Variants in SLC25A35 observed in about 807,000 individuals in gnomAD.
SLC25A35 encodes the protein solute carrier family 25, member 35.
SLC25A35 carries 32 observed loss-of-function variants against 30.5 expected under a neutral mutation model. That is an observed-to-expected ratio of 1.05 (90% CI 0.79 to 1.41). The LOEUF is 1.41. SLC25A35 is among the 40% of genes most tolerant of loss of function. The pLI is 0.00. For missense variants in SLC25A35, 369 were observed against 388.0 expected (o/e 0.95, Z 0.41); for synonymous variants, 142 against 158.1 (o/e 0.90, Z 0.77).
chr17:8,294,060 C>T (rs867032990), intron 1 of SLC25A35, among the ~76,000 whole-genome samples: 4 of 150,522 alleles, frequency 2.7e-5, no homozygotes, highest in East Asian at 2.0e-4. Flanking sequence ...GGACTACAGG[C>T]GCCCACCACC....
At chr17:8,291,047 C>T (rs2151614996) in intron 3 of SLC25A35, 71 bp from the exon 4 acceptor site, 3 of 1,572,470 alleles carry the variant, frequency 1.9e-6, no homozygotes, top group Non-Finnish European at 1.7e-6. Context: ...ACAGTCCCTG[C>T]CCTGGGGACA....
In SLC25A35 at chr17:8,290,816, G is replaced by A. The variant is rs368022777; in HGVS notation, c.729+26C>T. The A allele has an allele frequency of 1.2e-4, 199 of 1,608,878 alleles. No homozygotes were observed. The African/African-American group carries it at 1.4e-3, about 11-fold the overall frequency. ...CTGCCTTCCCCATCCCCTGCTTCCC[G>A]CCTGCATCCCAGAGCACTTCCTTAC... On this transcript the variant is annotated intron_variant, in intron 4 of 4. Transcript: ENST00000577745.
At chr17:8,292,708 G>T in intron 1 of SLC25A35, 120 bp from the exon 2 acceptor site, 1 of 824,072 alleles carries the variant, frequency 1.2e-6, no homozygotes, top group Non-Finnish European at 2.1e-6. Context: ...CTCTTACTCT[G>T]ATTATTGTTC....
At position 8,295,023 on chromosome 17, in the gene SLC25A35, T is replaced by C; in HGVS notation, c.-216A>G. On this transcript the variant is annotated 5_prime_UTR_variant, in exon 1 of 5. Coordinates refer to ENST00000577745, the MANE Select transcript of SLC25A35 (RefSeq NM_001320870.2). ...CAAGAGCTGGCAAGCAGGGAAGAGA[T>C]AGAAATCTAGGAGATTCTGGTGAGA... The C allele has an allele frequency of 4.4e-6, 6 of 1,372,344 alleles. No individual in the cohort carries two copies. The highest frequency in any genetic ancestry group is 3.4e-5 in the Admixed American group (1 of 29,690). 85.0% of individuals were successfully genotyped at this position (1,372,344 alleles called of 1,614,324 possible).
chr17:8,288,528 AC>A (rs1232345161), downstream of SLC25A35: 1 of 571,804 alleles, frequency 1.7e-6, no homozygotes, highest in Non-Finnish European at 3.1e-6. Flanking sequence ...CCTAAGTCCA[AC>A]CCCAAGGCAG....
At chr17:8,288,624 G>C, downstream of SLC25A35, 5 of 806,834 alleles carry the variant, frequency 6.2e-6, no homozygotes, top group Middle Eastern at 2.3e-4. Flanking sequence ...TCTTGGCGCC[G>C]ATTGGCCAAC....
downstream of SLC25A35, chr17:8,289,539 A>C: frequency 3.7e-6 from 6 of 1,614,154 alleles, no homozygotes; most frequent in Non-Finnish European, 5.1e-6. Context: ...GGCCTTGCTG[A>C]GGCTGCCCCA....
intron 1 of SLC25A35, among the ~76,000 whole-genome samples, 162 bp downstream of exon 1, chr17:8,294,271 T>G (rs893320353): frequency 1.1e-4 from 17 of 152,116 alleles, no homozygotes; most frequent in Admixed American, 2.0e-4. Context: ...TGGGTGTGTA[T>G]AGGGCAGATC....
chr17:8,294,520 G>T lies in SLC25A35; in HGVS notation c.288C>A (p.Ala96=). The change falls in exon 1 of 5, where the codon GCC becomes GCA. Residue 96 remains alanine, a synonymous_variant. Coordinates refer to ENST00000577745, the MANE Select transcript of SLC25A35 (RefSeq NM_001320870.2). ...LAEAGGYLHT[A]EGTHSPARSA... ...TGCGGGCAGGACTGTGGGTGCCTTCGGCTGTGTGCAGGTAGCCCCCAGCCT... is the reference window on the plus strand; with the variant it reads ...TGCGGGCAGGACTGTGGGTGCCTTCTGCTGTGTGCAGGTAGCCCCCAGCCT... 1 of 1,613,718 alleles carries T rather than the reference G, an allele frequency of 6.2e-7. No individual in the cohort carries two copies. Among genetic ancestry groups the T allele is most frequent in the Non-Finnish European group, 8.5e-7 (1 of 1,179,972 alleles).
At chr17:8,288,695 G>T (rs971158981), downstream of SLC25A35, 16 of 1,387,872 alleles carry the variant, frequency 1.2e-5, no homozygotes, top group African/African-American at 2.1e-4. Context: ...CCCGGGTGGC[G>T]GTGGCAGCTG....
chr17:8,294,511 G>GGT lies in SLC25A35; in HGVS notation c.295_296dup (p.His100ProfsTer28), dbSNP rs780187022. The GGT allele has an allele frequency of 9.9e-6, 16 of 1,613,508 alleles. No homozygotes were observed. The highest frequency in any genetic ancestry group is 1.3e-5 in the Non-Finnish European group (15 of 1,179,976). On this transcript the variant is annotated frameshift_variant, in exon 1 of 5. Transcript: ENST00000577745. LOFTEE classifies it high-confidence loss of function. ...CTGCTGCGCTGCGGGCAGGACTGTG[G>GGT]GTGCCTTCGGCTGTGTGCAGGTAGC... is the stretch of plus-strand genomic sequence containing the variant.
downstream of SLC25A35, chr17:8,288,526 C>T (rs1303003598): frequency 3.5e-6 from 2 of 569,454 alleles, no homozygotes; most frequent in East Asian, 3.0e-5. Context: ...ACCCTAAGTC[C>T]AACCCCAAGG....
intron 2 of SLC25A35, 119 bp from the exon 3 acceptor site, chr17:8,291,604 T>TG (rs143363992): frequency 0.048 from 66,258 of 1,373,294 alleles, 2,097 homozygotes; most frequent in South Asian, 0.14. Flanking sequence ...CAGTTCAATG[T>TG]GGGCTTAGAG....
chr17:8,289,743 A>G (rs1990332852), downstream of SLC25A35: 3 of 1,613,770 alleles, frequency 1.9e-6, no homozygotes, highest in South Asian at 1.1e-5. Context: ...CCTCTGGGGA[A>G]CAGGAATTGG....
chr17:8,290,928 T>A lies in SLC25A35; in HGVS notation c.643A>T (p.Ser215Cys). The A allele has an allele frequency of 2.5e-6, 4 of 1,614,000 alleles. No individual in the cohort carries two copies. The highest frequency in any genetic ancestry group is 3.4e-6 in the Non-Finnish European group (4 of 1,179,994). ...ATGGCCAAGACAACTGCAATGCCAC[T>A]CATCATGGCAGCCACCAGCGCCAAC... Reference protein sequence around the residue: ...WKLALVAAMMSGIAVVLAMAP... With the variant: ...WKLALVAAMMCGIAVVLAMAP... Residue 215 changes from serine (S) to cysteine (C), a missense_variant, in exon 4 of 5, where the codon AGT becomes TGT. Coordinates refer to ENST00000577745, the MANE Select transcript of SLC25A35 (RefSeq NM_001320870.2).
chr17:8,289,933 G>A (rs1327462760), downstream of SLC25A35: 1 of 1,614,088 alleles, frequency 6.2e-7, no homozygotes, highest in East Asian at 2.2e-5. Flanking sequence ...TTGGTCCCCA[G>A]TAAAGGCGCT....
chr17:8,291,192 G>A (rs1990469559), intron 3 of SLC25A35, 141 bp downstream of exon 3: 5 of 1,339,782 alleles, frequency 3.7e-6, no homozygotes, highest in Non-Finnish European at 5.1e-6. Flanking sequence ...ACTGTGGGAA[G>A]GGTCTAAAGA....
downstream of SLC25A35, chr17:8,288,389 G>A: frequency 3.3e-6 from 1 of 298,738 alleles, no homozygotes; most frequent in Non-Finnish European, 6.6e-6. Context: ...TGCAGTGAGC[G>A]GTGATCGCGC....
downstream of SLC25A35, chr17:8,289,646 G>T: frequency 6.2e-7 from 1 of 1,606,192 alleles, no homozygotes; most frequent in Non-Finnish European, 8.5e-7. Context: ...GAATCGGGCT[G>T]GGAGGGACAG....
Sources: allele counts gnomAD v4.1 joint callset (sites outside exome capture counted in the v4.1 genomes callset), GRCh38; gene constraint gnomAD v4.1.1; transcripts MANE v1.5; gene names NCBI Gene and HGNC (gene_info 2026-07-23, HGNC 2026-07-21).